The following UBR3 variants were observed in gnomAD, a reference collection of about 807,000 sequenced individuals.
The protein encoded by UBR3 is ubiquitin protein ligase E3 component n-recognin 3.
A neutral mutation model predicts 243.2 loss-of-function variants in UBR3; 85 were observed. The observed-to-expected ratio is 0.35, with a 90% CI of 0.29 to 0.42. The LOEUF is 0.42. Ranked by LOEUF, UBR3 falls within the 10% of genes least tolerant of loss-of-function variation. UBR3 has a pLI of 1.00. For missense variants in UBR3, 1,686 were observed against 2,300.8 expected (o/e 0.73, Z 5.47); for synonymous variants, 748 against 799.8 (o/e 0.94, Z 1.09).
At chr2:170,052,811 C>T (rs1403199414) in intron 32 of UBR3, among the ~76,000 whole-genome samples, 1 of 152,078 alleles carries the variant, frequency 6.6e-6, no homozygotes, top group East Asian at 1.9e-4. Flanking sequence ...ACTTAAAATG[C>T]ACTAAGCAAA....
intron 28 of UBR3, among the ~76,000 whole-genome samples, chr2:170,007,793 G>C (rs755625934): frequency 6.6e-6 from 1 of 152,126 alleles, no homozygotes; most frequent in Non-Finnish European, 1.5e-5. Flanking sequence ...AAACCCAGGA[G>C]CCGGAGGTTG....
At chr2:169,990,854 A>G (rs570226747) in intron 25 of UBR3, among the ~76,000 whole-genome samples, 1 of 85,126 alleles carries the variant, frequency 1.2e-5, no homozygotes, top group Admixed American at 1.6e-4. Context: ...AATAGCAAAA[A>G]GGAAGAATTA....
intron 30 of UBR3, among the ~76,000 whole-genome samples, chr2:170,015,754 G>A (rs1001997076): frequency 6.6e-6 from 1 of 151,712 alleles, no homozygotes; most frequent in Non-Finnish European, 1.5e-5. Flanking sequence ...TAAGATATTT[G>A]TGCTATATTT....
At position 169,836,067 on chromosome 2, in the gene UBR3, A is replaced by ATTTT. The variant is rs60845808; in HGVS notation, c.545+8038_545+8041dup. On this transcript the variant is annotated intron_variant, in intron 1 of 38. Transcript: ENST00000272793. Reference sequence around the variant, plus strand: ...TCTATATATATATATATATATATATATTTTTTTTTTTTTTTTTTTTTTTTT... The same window carrying ATTTT: ...TCTATATATATATATATATATATATATTTTTTTTTTTTTTTTTTTTTTTTTTTTT... 4.1e-3 allele frequency among the ~76,000 whole-genome samples: 133 copies of ATTTT among 32,644 alleles called. 23 individuals are homozygous for ATTTT. The highest frequency in any genetic ancestry group is 5.4e-3 in the Non-Finnish European group (106 of 19,532). The allele number at this position is 32,644 out of a possible 152,430, so 21.4% of individuals were successfully genotyped here. A position where few individuals can be genotyped will look rare whatever the true frequency, so the allele number is the denominator to read the frequency against.
chr2:169,995,830 G>A (rs973584629), intron 26 of UBR3, among the ~76,000 whole-genome samples: 4 of 152,054 alleles, frequency 2.6e-5, no homozygotes, highest in South Asian at 2.1e-4. Flanking sequence ...AGTAGCAGCA[G>A]CATTGTTAAC....
chr2:170,072,289 G>A (rs1388794992), intron 35 of UBR3, among the ~76,000 whole-genome samples: 1 of 152,062 alleles, frequency 6.6e-6, no homozygotes, highest in South Asian at 2.1e-4. Flanking sequence ...GGATGAAATT[G>A]GAAATCATCA....
chr2:170,019,851 C>T (rs2090343120), intron 30 of UBR3, among the ~76,000 whole-genome samples: 1 of 152,180 alleles, frequency 6.6e-6, no homozygotes. Flanking sequence ...TCATAGTTCA[C>T]TGCAGCCTCG....
intron 5 of UBR3, among the ~76,000 whole-genome samples, chr2:169,888,390 C>G (rs2084196281): frequency 6.6e-6 from 1 of 152,112 alleles, no homozygotes; most frequent in South Asian, 2.1e-4. Context: ...CCACCCACCT[C>G]AGCCTCCCAA....
At chr2:169,976,843 G>A (rs192937628) in intron 24 of UBR3, among the ~76,000 whole-genome samples, 24 of 152,090 alleles carry the variant, frequency 1.6e-4, no homozygotes, top group African/African-American at 5.3e-4. Context: ...GGTTTTCTAT[G>A]CCATTTTTAT....
Position 169,878,628 on chromosome 2 carries a change from A to G in UBR3, c.1038+54A>G, listed in dbSNP as rs966062831. The G allele has an allele frequency of 8.4e-6, 12 of 1,429,334 alleles. No homozygotes were observed. In the African/African-American group the frequency reaches 1.6e-4, roughly 19 times the overall value. 88.5% of individuals were successfully genotyped at this position (1,429,334 alleles called of 1,614,324 possible). A position where few individuals can be genotyped will look rare whatever the true frequency, so the allele number is the denominator to read the frequency against. ...AAAGTACAATTTTGTGCTTTTTTATACTTTTTTATTATTTTATACTTCTTT... is the reference window on the plus strand; with the variant it reads ...AAAGTACAATTTTGTGCTTTTTTATGCTTTTTTATTATTTTATACTTCTTT... On this transcript the variant is annotated intron_variant, in intron 5 of 38. Coordinates refer to ENST00000272793, the MANE Select transcript of UBR3 (RefSeq NM_172070.4).
intron 1 of UBR3, among the ~76,000 whole-genome samples, chr2:169,854,211 A>G (rs1027887493): frequency 2.0e-5 from 3 of 152,232 alleles, no homozygotes; most frequent in Non-Finnish European, 2.9e-5. Flanking sequence ...AATGTTATCT[A>G]TGTATTATAA....
chr2:169,932,624 A>T (rs2086178295), intron 18 of UBR3, among the ~76,000 whole-genome samples: 1 of 152,046 alleles, frequency 6.6e-6, no homozygotes. Context: ...GGCACCTTAC[A>T]AACAACAACA....
rs373146362 is a variant in UBR3, at chr2:170,055,332, C to CA, written c.4661-121dup. 4,502 of 1,115,600 alleles carry CA rather than the reference C, an allele frequency of 4.0e-3. 11 individuals are homozygous for CA. The highest frequency in any genetic ancestry group is 5.0e-3 in the Non-Finnish European group (3,989 of 793,308). The allele number at this position is 1,115,600 out of a possible 1,614,324, so 69.1% of individuals were successfully genotyped here. On this transcript the variant is annotated intron_variant, in intron 32 of 38. Transcript: ENST00000272793. ...ACTGAGACCTCGTCTCAAAAACAAA[C>CA]AAAAAAACTATTAAGTGTTGAAAAC...
chr2:169,958,614 A>G (rs2087422414), intron 24 of UBR3, 88 bp downstream of exon 24: 1 of 1,167,288 alleles, frequency 8.6e-7, no homozygotes, highest in African/African-American at 1.6e-5. Flanking sequence ...AATTTAAAAC[A>G]TTACACACTT....
chr2:169,930,951 G>A (rs1306506588), intron 18 of UBR3, among the ~76,000 whole-genome samples: 1 of 152,246 alleles, frequency 6.6e-6, no homozygotes, highest in Admixed American at 6.5e-5. Flanking sequence ...ACTGTTTGAA[G>A]CCCACTGGAC....
chr2:170,026,270 G>A (rs954588208), intron 30 of UBR3, among the ~76,000 whole-genome samples: 2 of 152,044 alleles, frequency 1.3e-5, no homozygotes, highest in African/African-American at 4.8e-5. Context: ...ATGGTTTTAT[G>A]TGGAGATCTT....
At chr2:170,057,326 C>A (rs1040681259) in intron 33 of UBR3, among the ~76,000 whole-genome samples, 3 of 152,078 alleles carry the variant, frequency 2.0e-5, no homozygotes, top group Admixed American at 2.0e-4. Context: ...CCATGTTGCC[C>A]AGGCTGGTCT....
chr2:170,061,921 A>G (rs1255314982), intron 35 of UBR3, among the ~76,000 whole-genome samples: 1 of 152,198 alleles, frequency 6.6e-6, no homozygotes, highest in Non-Finnish European at 1.5e-5. Flanking sequence ...ACATCCACCC[A>G]TTTTTATGAT....
rs111538238 is a variant in UBR3, at chr2:169,926,378, A to G, written c.2152-314A>G. On this transcript the variant is annotated intron_variant, in intron 14 of 38. Coordinates refer to ENST00000272793, the MANE Select transcript of UBR3 (RefSeq NM_172070.4). ...CAAGGCAGGCAGATCACTTGAGGCC[A>G]GGAGTTTGAGACCAGCCTGGCCAAC... Among the ~76,000 whole-genome samples the G allele has an allele frequency of 4.6e-3, 700 of 152,320 alleles. 1 individual carries two copies. The highest frequency in any genetic ancestry group is 0.015 in the African/African-American group (633 of 41,578).
Sources: gnomAD v4.1 joint callset for allele counts (sites outside exome capture counted in the v4.1 genomes callset) on GRCh38, gnomAD v4.1.1 for gene constraint, MANE v1.5 for transcripts, NCBI Gene and HGNC (gene_info 2026-07-23, HGNC 2026-07-21) for gene names.